The following ARAP2 variants were observed in gnomAD, a reference collection of about 807,000 sequenced individuals.
The protein encoded by ARAP2 is arf-GAP with Rho-GAP domain, ANK repeat and PH domain-containing protein 2.
A neutral mutation model predicts 194.5 loss-of-function variants in ARAP2; 148 were observed. That is an observed-to-expected ratio of 0.76 (90% CI 0.67 to 0.87). ARAP2 has a LOEUF of 0.87. Among genes scored for constraint, ARAP2 ranks in the 40% least tolerant of loss-of-function variants. The pLI, the probability that ARAP2 is intolerant of heterozygous loss-of-function variation, is 0.00. For missense variants in ARAP2, 2,128 were observed against 1,989.7 expected (o/e 1.07, Z -1.32); for synonymous variants, 695 against 683.5 (o/e 1.02, Z -0.26).
In ARAP2 at chr4:36,212,289, C is replaced by A. The variant is rs1560681242; in HGVS notation, c.1133+107G>T. 1.2e-5 allele frequency: 11 copies of A among 933,960 alleles called. No individual in the cohort carries two copies. In the East Asian group the frequency reaches 3.0e-4, roughly 25 times the overall value. The allele number at this position is 933,960 out of a possible 1,614,324, so 57.9% of individuals were successfully genotyped here. A position where few individuals can be genotyped will look rare whatever the true frequency, so the allele number is the denominator to read the frequency against. On this transcript the variant is annotated intron_variant, in intron 5 of 32. Coordinates refer to ENST00000303965, the MANE Select transcript of ARAP2 (RefSeq NM_015230.4). ...AGAGAGGAAAAAATTGAACTTATCA[C>A]CATAAACTATTTTCTCTGACACACA...
chr4:36,168,662 A>T (rs1283769882), intron 9 of ARAP2, among the ~76,000 whole-genome samples: 2 of 152,242 alleles, frequency 1.3e-5, no homozygotes, highest in East Asian at 3.8e-4. Context: ...GAAATGACTC[A>T]TTTAGAAAAC....
chr4:36,073,603 A>G, intron 32 of ARAP2, 86 bp downstream of exon 32: 4 of 1,443,344 alleles, frequency 2.8e-6, no homozygotes, highest in Non-Finnish European at 3.8e-6. Context: ...TTTGAAGCCA[A>G]TGAAGTAATT....
intron 27 of ARAP2, 62 bp from the exon 28 acceptor site, chr4:36,092,082 CA>C: frequency 6.9e-7 from 1 of 1,443,170 alleles, no homozygotes; most frequent in Non-Finnish European, 9.3e-7. Context: ...AAATACAATA[CA>C]AAACATTTCT....
chr4:36,033,244 T>A (rs1719303231), intron 5 of ARAP2, among the ~76,000 whole-genome samples: 1 of 152,186 alleles, frequency 6.6e-6, no homozygotes, highest in Non-Finnish European at 1.5e-5. Context: ...TTTGAGGAAT[T>A]GCCATTCTAA....
At chr4:36,081,340 T>A (rs1354436150) in intron 30 of ARAP2, among the ~76,000 whole-genome samples, 1 of 151,996 alleles carries the variant, frequency 6.6e-6, no homozygotes, top group African/African-American at 2.4e-5. Flanking sequence ...AGAATGAAAG[T>A]ATGACAGGAA....
chr4:36,203,411 C>G (rs192278173), intron 6 of ARAP2, among the ~76,000 whole-genome samples: 2 of 152,008 alleles, frequency 1.3e-5, no homozygotes, highest in East Asian at 3.9e-4. Context: ...TGGAGAAACC[C>G]CCTCTCTACT....
At chr4:36,184,264 T>C (rs1010191206) in intron 8 of ARAP2, among the ~76,000 whole-genome samples, 3 of 114,230 alleles carry the variant, frequency 2.6e-5, no homozygotes, top group African/African-American at 3.5e-5. Flanking sequence ...ACAAAACATA[T>C]AGATGCATAA....
rs112995166 is a variant in ARAP2 at position 36,082,394 on chromosome 4, T to C, written c.4509-108A>G. Reference sequence around the variant, plus strand: ...GATGAGATTTAATGGTGGGAATGCATAGACTTCCACAAGTGGTGATTCAAT... The same window carrying C: ...GATGAGATTTAATGGTGGGAATGCACAGACTTCCACAAGTGGTGATTCAAT... On this transcript the variant is annotated intron_variant, in intron 29 of 32. Transcript: ENST00000303965. 60 of 1,113,400 alleles carry C rather than the reference T, an allele frequency of 5.4e-5. No individual in the cohort carries two copies. The African/African-American group carries it at 6.8e-4, about 13-fold the overall frequency. The allele number at this position is 1,113,400 out of a possible 1,614,324, so 69.0% of individuals were successfully genotyped here.
In ARAP2 at chr4:36,161,837, G is replaced by A. The variant is rs372831433; in HGVS notation, c.2174-287C>T. Among the ~76,000 whole-genome samples, 9 of 148,860 alleles carry A rather than the reference G, an allele frequency of 6.0e-5. No individual in the cohort carries two copies. The East Asian group carries it at 7.9e-4, about 13-fold the overall frequency. On this transcript the variant is annotated intron_variant, in intron 11 of 32. Coordinates refer to ENST00000303965, the MANE Select transcript of ARAP2 (RefSeq NM_015230.4). Reference sequence around the variant, plus strand: ...AAAAAAAAACTACACGGCCTGGCGCGGTGGCTCACGCCTGTAATCCCAGCA... The same window carrying A: ...AAAAAAAAACTACACGGCCTGGCGCAGTGGCTCACGCCTGTAATCCCAGCA...
chr4:36,065,948 G>A (rs1339021137), downstream of ARAP2: 1 of 152,144 alleles, frequency 6.6e-6, no homozygotes, highest in South Asian at 2.1e-4. Context: ...TAATCTATTT[G>A]ATCTATTTCA....
intron 28 of ARAP2, among the ~76,000 whole-genome samples, chr4:36,086,120 TG>T (rs1711731304): frequency 6.6e-6 from 1 of 152,070 alleles, no homozygotes; most frequent in African/African-American, 2.4e-5. Context: ...AACCAAGGTT[TG>T]TGTTCCTTTT....
At chr4:36,165,139 A>T (rs375922542) in intron 10 of ARAP2, 26 bp from the exon 11 acceptor site, 198 of 1,612,056 alleles carry the variant, frequency 1.2e-4, no homozygotes, top group Non-Finnish European at 1.6e-4. Context: ...TTTCTGTGTT[A>T]TCGATCTCCC....
rs144318748 is a variant in ARAP2 at position 36,150,943 on chromosome 4, T to A, written c.2854A>T (p.Ile952Phe). 1.7e-5 allele frequency: 27 copies of A among 1,613,196 alleles called. No individual in the cohort carries two copies. The highest frequency in any genetic ancestry group is 2.3e-5 in the Non-Finnish European group (27 of 1,179,616). The change falls in exon 16 of 33, where the codon ATC becomes TTC. Residue 952 changes from isoleucine (I) to phenylalanine (F), a missense_variant. Physicochemically the swap from Ile to Phe is conservative, Grantham distance 21 (BLOSUM62 0). Coordinates refer to ENST00000303965, the MANE Select transcript of ARAP2 (RefSeq NM_015230.4). ...PNGTININEV[I>F]CLAIHKEDFY... ...TCCTCTTTGTGTATAGCCAGGCAGA[T>A]AACTTCATTGATATTAATGGTGCCA...
chr4:36,080,166 T>C (rs770993805), intron 31 of ARAP2, 50 bp downstream of exon 31: 1 of 1,490,272 alleles, frequency 6.7e-7, no homozygotes, highest in Non-Finnish European at 9.3e-7. Context: ...TAACATTTCC[T>C]GTAAACAAAG....
chr4:36,125,933 C>A (rs758357672), intron 21 of ARAP2, among the ~76,000 whole-genome samples: 1 of 151,960 alleles, frequency 6.6e-6, no homozygotes, highest in Non-Finnish European at 1.5e-5. Context: ...ATCAGCAGCA[C>A]GCTAATGATG....
intron 19 of ARAP2, among the ~76,000 whole-genome samples, chr4:36,139,481 C>T (rs1023502869): frequency 6.6e-6 from 1 of 151,546 alleles, no homozygotes; most frequent in African/African-American, 2.4e-5. Flanking sequence ...TTTCAAAGGA[C>T]CAGCTATTTG....
In ARAP2 at chr4:36,167,066, T is replaced by TA. The variant is rs757431509; in HGVS notation, c.1858-20dup. ...TAAAATCCTAGTTTGGAGAAAAACA[T>TA]AAAAAACTATAAAGAAACAAAAAAA... On this transcript the variant is annotated intron_variant, in intron 9 of 32. Coordinates refer to ENST00000303965, the MANE Select transcript of ARAP2 (RefSeq NM_015230.4). The TA allele has an allele frequency of 6.1e-6, 8 of 1,309,866 alleles. No homozygotes were observed. In the East Asian group the frequency reaches 9.7e-5, roughly 16 times the overall value. The allele number at this position is 1,309,866 out of a possible 1,614,324, so 81.1% of individuals were successfully genotyped here.
chr4:36,043,902 GAAAGAGAAAGAA>G (rs142943189), intron 5 of ARAP2, among the ~76,000 whole-genome samples: 14,587 of 144,180 alleles, frequency 0.1, 868 homozygotes, highest in Middle Eastern at 0.21. Context: ...AAGGGAGAGG[GAAAGAGAAAGAA>G]AAAGAGAAAG....
At chr4:36,113,743 T>G (rs1720617113) in intron 26 of ARAP2, among the ~76,000 whole-genome samples, 1 of 151,906 alleles carries the variant, frequency 6.6e-6, no homozygotes, top group African/African-American at 2.4e-5. Flanking sequence ...ACAAAATATG[T>G]GATTCACTAA....
Sources: allele counts gnomAD v4.1 joint callset (sites outside exome capture counted in the v4.1 genomes callset), GRCh38; gene constraint gnomAD v4.1.1; transcripts MANE v1.5; gene names NCBI Gene and HGNC (gene_info 2026-07-23, HGNC 2026-07-21).